TMEM117: variants seen among roughly 807,000 people sequenced by gnomAD.
The protein encoded by TMEM117 is transmembrane protein 117.
In TMEM117, 27 loss-of-function variants were observed where a neutral mutation model predicts 52.4. The observed-to-expected ratio is 0.51, with a 90% CI of 0.38 to 0.71. The LOEUF (loss-of-function observed/expected upper bound fraction) is 0.71. TMEM117 is among the 30% of genes least tolerant of loss of function. The pLI, the probability that TMEM117 is intolerant of heterozygous loss-of-function variation, is 0.00. For missense variants in TMEM117, 556 were observed against 630.5 expected, an observed-to-expected ratio of 0.88 and a Z score of 1.26; for synonymous variants, 215 against 206.3, an observed-to-expected ratio of 1.04 and a Z score of -0.36.
intron 6 of TMEM117, among the ~76,000 whole-genome samples, chr12:44,327,552 T>C (rs932600172): frequency 2.0e-5 from 3 of 152,180 alleles, no homozygotes; most frequent in South Asian, 4.1e-4. Context: ...TGTTTTTGCA[T>C]AACAAAAGAG....
At chr12:43,820,101 T>A in the TMEM117 span, among the ~76,000 whole-genome samples, 14 of 151,366 alleles carry the variant, frequency 9.2e-5, no homozygotes, top group Admixed American at 3.9e-4. Context: ...ACAGGTGTAT[T>A]TTTTTTTGTT....
chr12:43,841,525 C>T (rs1229013848), intron 1 of TMEM117, among the ~76,000 whole-genome samples: 1 of 152,140 alleles, frequency 6.6e-6, no homozygotes, highest in African/African-American at 2.4e-5. Context: ...TGGAGAGAAA[C>T]AGCTGTCTCA....
chr12:44,217,411 C>T lies in TMEM117; in HGVS notation c.608+6024C>T, dbSNP rs369733087. Among the ~76,000 whole-genome samples, 60 of 152,288 alleles carry T rather than the reference C, an allele frequency of 3.9e-4. 1 individual carries two copies. The highest frequency in any genetic ancestry group is 1.1e-3 in the Admixed American group (17 of 15,296). ...GGCTGCTACCATTGCCCAGATCCAG[C>T]GTGAATTCCCCTCAGCACTGCTGGT... On this transcript the variant is annotated intron_variant, in intron 5 of 7. Transcript: ENST00000266534.
At chr12:44,056,630 T>C (rs1947058955) in intron 3 of TMEM117, among the ~76,000 whole-genome samples, 1 of 152,124 alleles carries the variant, frequency 6.6e-6, no homozygotes, top group Admixed American at 6.5e-5. Flanking sequence ...TAACATAAAT[T>C]ATACATTTGT....
At chr12:43,984,364 TAACAACAACAACAACAACAACAAC>T (rs3064367) in intron 3 of TMEM117, among the ~76,000 whole-genome samples, 2 of 145,994 alleles carry the variant, frequency 1.4e-5, no homozygotes, top group African/African-American at 5.0e-5. Context: ...TGAGACTCCG[TAACAACAACAACAACAACAACAAC>T]AACAACAACA....
intron 5 of TMEM117, among the ~76,000 whole-genome samples, chr12:44,225,762 T>C (rs1949852585): frequency 6.6e-6 from 1 of 152,194 alleles, no homozygotes; most frequent in Non-Finnish European, 1.5e-5. Flanking sequence ...CAGATTCCAG[T>C]TAAGCTGTCC....
intron 3 of TMEM117, chr12:44,009,507 C>T (rs1270082414): frequency 1.3e-5 from 3 of 225,644 alleles, no homozygotes; most frequent in Admixed American, 5.3e-5. Context: ...CTTTTCTGCT[C>T]AGCACAGGCT....
chr12:44,378,531 G>C (rs1951974244), intron 7 of TMEM117, among the ~76,000 whole-genome samples: 1 of 152,162 alleles, frequency 6.6e-6, no homozygotes, highest in Non-Finnish European at 1.5e-5. Flanking sequence ...TGTGCATTTA[G>C]ATAGAAGCAG....
At chr12:43,964,356 T>G (rs1410073242) in intron 3 of TMEM117, among the ~76,000 whole-genome samples, 1 of 152,146 alleles carries the variant, frequency 6.6e-6, no homozygotes, top group Non-Finnish European at 1.5e-5. Flanking sequence ...CTCTACAGAC[T>G]ACTACATGAG....
intron 3 of TMEM117, among the ~76,000 whole-genome samples, chr12:43,986,166 G>A (rs1945843763): frequency 6.6e-6 from 1 of 152,036 alleles, no homozygotes; most frequent in South Asian, 2.1e-4. Context: ...AAAGATGAAT[G>A]TGTTTTAATT....
intron 6 of TMEM117, among the ~76,000 whole-genome samples, chr12:44,328,899 C>A (rs1951231349): frequency 6.6e-6 from 1 of 151,818 alleles, no homozygotes; most frequent in African/African-American, 2.4e-5. Context: ...GTTTAGGGAC[C>A]TGATGTAATA....
intron 3 of TMEM117, among the ~76,000 whole-genome samples, chr12:44,070,868 C>T (rs1163350301): frequency 6.6e-6 from 1 of 152,130 alleles, no homozygotes; most frequent in Non-Finnish European, 1.5e-5. Flanking sequence ...TGTGGCTTTT[C>T]TCTAGTTGTC....
At chr12:43,924,845 T>C (rs1308712439) in intron 2 of TMEM117, among the ~76,000 whole-genome samples, 1 of 152,160 alleles carries the variant, frequency 6.6e-6, no homozygotes, top group African/African-American at 2.4e-5. Context: ...ATAGTTTCTG[T>C]GCGTGAGGAG....
chr12:43,822,701 A>G, the TMEM117 span, among the ~76,000 whole-genome samples: 30,760 of 152,008 alleles, frequency 0.2, 4,180 homozygotes, highest in East Asian at 0.47. Context: ...GTAGACAGTA[A>G]ATTTTTGCTG....
chr12:44,203,310 C>T (rs1165113209), intron 4 of TMEM117, among the ~76,000 whole-genome samples: 4 of 151,956 alleles, frequency 2.6e-5, no homozygotes, highest in African/African-American at 9.7e-5. Flanking sequence ...GATAATGTCC[C>T]TTTTGTCATT....
intron 3 of TMEM117, among the ~76,000 whole-genome samples, chr12:44,019,228 G>T (rs1216941923): frequency 6.6e-6 from 1 of 151,770 alleles, no homozygotes; most frequent in Non-Finnish European, 1.5e-5. Flanking sequence ...ATTTTCCCAG[G>T]ATATGATGCA....
At chr12:43,962,123 A>G (rs775209249) in intron 3 of TMEM117, among the ~76,000 whole-genome samples, 11 of 152,208 alleles carry the variant, frequency 7.2e-5, no homozygotes, top group Non-Finnish European at 1.2e-4. Flanking sequence ...CTTGCTCCTG[A>G]GTTAGGAATG....
intron 6 of TMEM117, among the ~76,000 whole-genome samples, chr12:44,375,910 C>T (rs1047547681): frequency 1.3e-5 from 2 of 152,178 alleles, no homozygotes; most frequent in Non-Finnish European, 1.5e-5. Context: ...TGTTTCCCTT[C>T]CTTCAGAGAA....
intron 4 of TMEM117, among the ~76,000 whole-genome samples, chr12:44,198,449 C>A (rs185894116): frequency 2.6e-5 from 4 of 152,154 alleles, no homozygotes; most frequent in East Asian, 3.9e-4. Flanking sequence ...AAAAGTTGGA[C>A]CTCAAATAAT....
Sources: gnomAD v4.1 joint callset for allele counts (sites outside exome capture counted in the v4.1 genomes callset) on GRCh38, gnomAD v4.1.1 for gene constraint, MANE v1.5 for transcripts, NCBI Gene and HGNC (gene_info 2026-07-23, HGNC 2026-07-21) for gene names.